Variants in DNAH7 observed in about 807,000 individuals in gnomAD.
DNAH7 encodes dynein axonemal heavy chain 7.
Under a neutral mutation model 444.6 loss-of-function variants are expected in DNAH7, and 397 were observed. The observed-to-expected ratio is 0.89, with a 90% CI of 0.82 to 0.97. The LOEUF is 0.97. Among genes scored for constraint, DNAH7 ranks in the 50% least tolerant of loss-of-function variants. The pLI is 0.00. For missense variants in DNAH7, 4,902 were observed against 4,800.8 expected, an observed-to-expected ratio of 1.02 and a Z score of -0.62; for synonymous variants, 1,636 against 1,624.4, an observed-to-expected ratio of 1.01 and a Z score of -0.17.
intron 42 of DNAH7, among the ~76,000 whole-genome samples, 158 bp from the exon 43 acceptor site, chr2:195,858,962 AC>A (rs1161923436): frequency 1.3e-5 from 2 of 152,160 alleles, no homozygotes; most frequent in South Asian, 4.1e-4. Context: ...AAAACATGAA[AC>A]CTAGAATGTC....
chr2:195,980,061 C>CAAAAAAAAAAAAAAAA (rs59664135), intron 15 of DNAH7, among the ~76,000 whole-genome samples: 2 of 75,062 alleles, frequency 2.7e-5, no homozygotes, highest in African/African-American at 8.7e-5. Flanking sequence ...CAAACTAATA[C>CAAAAAAAAAAAAAAAA]AAAAAAAAAA....
chr2:195,916,963 G>A (rs192065692), intron 24 of DNAH7, among the ~76,000 whole-genome samples: 1 of 150,536 alleles, frequency 6.6e-6, no homozygotes, highest in Non-Finnish European at 1.5e-5. Flanking sequence ...TTAGCCAGGT[G>A]TGGTGGCGGG....
intron 38 of DNAH7, among the ~76,000 whole-genome samples, chr2:195,874,297 T>C (rs984660581): frequency 2.0e-5 from 3 of 152,288 alleles, no homozygotes; most frequent in South Asian, 4.2e-4. Flanking sequence ...TACATTTCTT[T>C]TGGAAAATAT....
At chr2:195,860,316 C>A (rs1025242318) in intron 42 of DNAH7, among the ~76,000 whole-genome samples, 1 of 152,032 alleles carries the variant, frequency 6.6e-6, no homozygotes, top group Non-Finnish European at 1.5e-5. Flanking sequence ...AAAATTTAAT[C>A]AATCTCCAAG....
At chr2:195,788,436 T>A (rs1404484779) in intron 57 of DNAH7, among the ~76,000 whole-genome samples, 1 of 152,216 alleles carries the variant, frequency 6.6e-6, no homozygotes, top group African/African-American at 2.4e-5. Context: ...GGTTTCTGAA[T>A]CAAGGCTGGC....
intron 2 of DNAH7, among the ~76,000 whole-genome samples, chr2:196,052,907 A>G (rs1384525264): frequency 1.3e-5 from 2 of 152,192 alleles, no homozygotes; most frequent in Admixed American, 6.5e-5. Context: ...CCCTAACTCA[A>G]CAATGGTTCA....
At chr2:195,930,419 T>A (rs1442587084) in intron 21 of DNAH7, among the ~76,000 whole-genome samples, 2 of 152,006 alleles carry the variant, frequency 1.3e-5, no homozygotes. Flanking sequence ...AAAAAACATA[T>A]GAAAAATGCT....
intron 27 of DNAH7, 78 bp downstream of exon 27, chr2:195,906,581 A>G: frequency 7.0e-7 from 1 of 1,428,418 alleles, no homozygotes; most frequent in African/African-American, 1.5e-5. Flanking sequence ...GGCGTTAGCC[A>G]CCACGCCCAG....
intron 2 of DNAH7, among the ~76,000 whole-genome samples, chr2:196,054,771 T>C (rs1697699929): frequency 1.3e-5 from 2 of 152,158 alleles, no homozygotes; most frequent in South Asian, 4.1e-4. Context: ...AGTCTTGTGA[T>C]AGTGAGTTCT....
In DNAH7 at chr2:195,776,085, G is replaced by A. The variant is rs1453692621; in HGVS notation, c.11065-102C>T. The A allele has an allele frequency of 2.9e-6, 4 of 1,401,384 alleles. No homozygotes were observed. The Admixed American group carries it at 8.3e-5, about 29-fold the overall frequency. 86.8% of individuals were successfully genotyped at this position (1,401,384 alleles called of 1,614,324 possible). On this transcript the variant is annotated intron_variant, in intron 59 of 64. Coordinates refer to ENST00000312428, the MANE Select transcript of DNAH7 (RefSeq NM_018897.3). ...TTTTCAATACTCAAGTTATTGACTG[G>A]ATAGGCCTGTGACACTGGACATTGA...
intron 18 of DNAH7, 138 bp from the exon 19 acceptor site, chr2:195,957,585 TATA>T (rs1239529968): frequency 2.7e-5 from 12 of 438,828 alleles, no homozygotes; most frequent in Admixed American, 4.1e-5. Context: ...CAATCTTGTA[TATA>T]ATGTTATACA....
intron 58 of DNAH7, among the ~76,000 whole-genome samples, chr2:195,782,740 A>G (rs1469785565): frequency 1.3e-5 from 2 of 152,276 alleles, no homozygotes; most frequent in East Asian, 3.9e-4. Flanking sequence ...AGGATGAACT[A>G]TTCTTGATAC....
rs555938073 is a variant in DNAH7, at chr2:195,884,889, C to T, written c.5539-80G>A. Reference sequence around the variant, plus strand: ...CCTTGAAGCTTACATATCAGATCAGCCAGATTAGTATCTCTGAAAGGAAAC... The same window carrying T: ...CCTTGAAGCTTACATATCAGATCAGTCAGATTAGTATCTCTGAAAGGAAAC... On this transcript the variant is annotated intron_variant, in intron 34 of 64. Coordinates refer to ENST00000312428, the MANE Select transcript of DNAH7 (RefSeq NM_018897.3). 237 of 1,153,422 alleles carry T rather than the reference C, an allele frequency of 2.1e-4. 1 individual carries two copies. The East Asian group carries it at 5.6e-3, about 27-fold the overall frequency. 71.4% of individuals were successfully genotyped at this position (1,153,422 alleles called of 1,614,324 possible).
chr2:196,010,414 T>C, intron 10 of DNAH7, among the ~76,000 whole-genome samples: 1 of 152,172 alleles, frequency 6.6e-6, no homozygotes, highest in East Asian at 1.9e-4. Flanking sequence ...CCCAAAGTGC[T>C]GGGAGTGATA....
chr2:195,964,152 T>A (rs1204147994), intron 17 of DNAH7, among the ~76,000 whole-genome samples: 1 of 152,130 alleles, frequency 6.6e-6, no homozygotes. Context: ...ACAAAAAAAA[T>A]TTAGGAGTGT....
At position 195,778,048 on chromosome 2, in the gene DNAH7, G is replaced by GT. The variant is rs1190699185; in HGVS notation, c.10879-64dup. 6 of 1,369,886 alleles carry GT rather than the reference G, an allele frequency of 4.4e-6. No individual in the cohort carries two copies. In the Admixed American group the frequency reaches 8.2e-5, roughly 19 times the overall value. The allele number at this position is 1,369,886 out of a possible 1,614,324, so 84.9% of individuals were successfully genotyped here. A position where few individuals can be genotyped will look rare whatever the true frequency, so the allele number is the denominator to read the frequency against. On this transcript the variant is annotated intron_variant, in intron 58 of 64. Coordinates refer to ENST00000312428, the MANE Select transcript of DNAH7 (RefSeq NM_018897.3). ...CATGTTATACAGAATCGTGTTTCTT[G>GT]TTTTTTCCTATTACTAAATTAAACA...
At chr2:195,807,866 G>A (rs1190233190) in intron 53 of DNAH7, among the ~76,000 whole-genome samples, 1 of 152,150 alleles carries the variant, frequency 6.6e-6, no homozygotes, top group Admixed American at 6.5e-5. Context: ...TACTAACAAG[G>A]AGAAATCCAA....
Position 195,864,387 on chromosome 2 carries a change from T to C in DNAH7, c.7268A>G (p.Asn2423Ser), listed in dbSNP as rs1423525657. The change falls in exon 41 of 65, where the codon AAT becomes AGT. Residue 2423 changes from asparagine (N) to serine (S), a missense_variant. Coordinates refer to ENST00000312428, the MANE Select transcript of DNAH7 (RefSeq NM_018897.3). ...SNLLNAGEIP[N>S]LFALDEKQEI... ...TTGCTTCTCATCTAATGCAAAGAGA[T>C]TTGGAATCTCCCCAGCATTTAGCAG... 3.1e-6 allele frequency: 5 copies of C among 1,614,032 alleles called. No homozygotes were observed. The African/African-American group carries it at 6.7e-5, about 22-fold the overall frequency.
At chr2:195,990,970 C>CAT (rs111362660) in intron 12 of DNAH7, among the ~76,000 whole-genome samples, 1,664 of 133,368 alleles carry the variant, frequency 0.012, 18 homozygotes, top group East Asian at 0.048. Context: ...AATATATATA[C>CAT]ATATATATAT....
Sources: allele counts gnomAD v4.1 joint callset (sites outside exome capture counted in the v4.1 genomes callset), GRCh38; gene constraint gnomAD v4.1.1; transcripts MANE v1.5; gene names NCBI Gene and HGNC (gene_info 2026-07-23, HGNC 2026-07-21).